The following TXLNA variants were observed in gnomAD, a reference collection of about 807,000 sequenced individuals.
TXLNA encodes alpha-taxilin.
Under a neutral mutation model 61.4 loss-of-function variants are expected in TXLNA, and 9 were observed. The ratio of observed to expected loss-of-function variants is 0.15; its 90% CI spans 0.09 to 0.26. The LOEUF is 0.26. Among genes scored for constraint, TXLNA ranks in the 10% least tolerant of loss-of-function variants. The probability of loss-of-function intolerance (pLI) is 1.00; values close to 1 mark genes in which losing one functional copy is unlikely to be tolerated. For synonymous variants in TXLNA, 257 were observed against 267.7 expected, an observed-to-expected ratio of 0.96 and a Z score of 0.39; for missense variants, 565 against 688.8, an observed-to-expected ratio of 0.82 and a Z score of 2.01.
At position 32,193,114 on chromosome 1, in the gene TXLNA, A is replaced by C. The variant is rs935937460; in HGVS notation, c.1159-94A>C. 35 of 801,380 alleles carry C rather than the reference A, an allele frequency of 4.4e-5. No homozygotes were observed. The Admixed American group carries it at 6.0e-4, about 14-fold the overall frequency. 49.6% of individuals were successfully genotyped at this position (801,380 alleles called of 1,614,324 possible). A position where few individuals can be genotyped will look rare whatever the true frequency, so the allele number is the denominator to read the frequency against. ...GGAAAAATAGTATCTCAATAGAATTACTGGTCAGAGAGTCAAGGACGGGTC... is the reference window on the plus strand; with the variant it reads ...GGAAAAATAGTATCTCAATAGAATTCCTGGTCAGAGAGTCAAGGACGGGTC... On this transcript the variant is annotated intron_variant, in intron 8 of 10. Coordinates refer to ENST00000373610, the MANE Select transcript of TXLNA (RefSeq NM_175852.4).
Position 32,188,119 on chromosome 1 carries a change from C to T in TXLNA, c.763C>T (p.Leu255Phe). The T allele has an allele frequency of 1.9e-6, 3 of 1,556,720 alleles. No individual in the cohort carries two copies. The highest frequency in any genetic ancestry group is 1.7e-6 in the Non-Finnish European group (2 of 1,149,006). ...CRELQRHNRS[L>F]KEEGVQRARE... is the part of the protein sequence containing the mutation. ...TGAGCTGCAGCGGCACAACCGCTCCCTCAAGGTAGGCCTGGGCCCCCTGGA... is the reference window on the plus strand; with the variant it reads ...TGAGCTGCAGCGGCACAACCGCTCCTTCAAGGTAGGCCTGGGCCCCCTGGA... The change falls in exon 5 of 11, where the codon CTC becomes TTC. Residue 255 changes from leucine to phenylalanine, a missense_variant. By Grantham distance (22) the Leu-to-Phe change is conservative. Around this residue, in one of 2 missense-constraint regions of TXLNA, gnomAD observed 373 missense variants for 504.0 expected, o/e 0.74. Coordinates refer to ENST00000373610, the MANE Select transcript of TXLNA (RefSeq NM_175852.4).
chr1:32,189,745 A>G (rs574329842), intron 5 of TXLNA, among the ~76,000 whole-genome samples: 1 of 152,026 alleles, frequency 6.6e-6, no homozygotes, highest in South Asian at 2.1e-4. Context: ...GTTTCACCAT[A>G]TTGGCCAGGC....
intron 1 of TXLNA, chr1:32,180,073 A>T (rs1365819134): frequency 3.3e-6 from 1 of 305,158 alleles, no homozygotes; most frequent in South Asian, 6.3e-5. Context: ...TTGTGCCGGG[A>T]AGTGGCTCCA....
Position 32,198,139 on chromosome 1 carries a change from A to T in TXLNA, c.*2944A>T, listed in dbSNP as rs1227317762. 2.0e-5 allele frequency: 3 copies of T among 152,268 alleles called. No individual in the cohort carries two copies. The highest frequency in any genetic ancestry group is 7.2e-5 in the African/African-American group (3 of 41,454). 9.4% of individuals were successfully genotyped at this position (152,268 alleles called of 1,614,324 possible). ...AAGGGAGCTGCCTTCTGTCCCTGTA[A>T]CTGCTTTCCTTATGGCCCAGCCCGG... On this transcript the variant is annotated 3_prime_UTR_variant, in exon 11 of 11. Transcript: ENST00000373610.
chr1:32,187,354 C>G (rs1642810110), intron 4 of TXLNA, among the ~76,000 whole-genome samples: 1 of 152,088 alleles, frequency 6.6e-6, no homozygotes, highest in African/African-American at 2.4e-5. Flanking sequence ...CATTATATTT[C>G]TGTTGTACAG....
intron 5 of TXLNA, among the ~76,000 whole-genome samples, chr1:32,189,348 T>C (rs183866684): frequency 6.6e-6 from 1 of 152,330 alleles, no homozygotes; most frequent in African/African-American, 2.4e-5. Flanking sequence ...ATCAAAAGTG[T>C]TGAGTGCCTA....
At chr1:32,183,677 G>A (rs1164118325) in intron 3 of TXLNA, among the ~76,000 whole-genome samples, 1 of 141,610 alleles carries the variant, frequency 7.1e-6, no homozygotes, top group Non-Finnish European at 1.5e-5. Flanking sequence ...TGATCCGCCC[G>A]CCTCAGCCTC....
Position 32,192,290 on chromosome 1 carries a change from C to A in TXLNA, c.964-21C>A. ...AAGGGAGCGCCTGACAAGCCGACTG[C>A]TCCCACCATCTTTGTTGCAGCATAT... On this transcript the variant is annotated intron_variant, in intron 6 of 10. Transcript: ENST00000373610. The surrounding 1 kb of genome is among the most constrained non-coding windows in gnomAD (Gnocchi z 4.2). The A allele has an allele frequency of 3.1e-6, 5 of 1,611,980 alleles. No homozygotes were observed. The highest frequency in any genetic ancestry group is 4.2e-6 in the Non-Finnish European group (5 of 1,178,384).
intron 5 of TXLNA, among the ~76,000 whole-genome samples, chr1:32,188,871 G>A (rs966494549): frequency 1.3e-5 from 2 of 152,234 alleles, no homozygotes; most frequent in African/African-American, 2.4e-5. Flanking sequence ...ACGTTGGTCA[G>A]TCAGGAACCT....
chr1:32,181,328 T>C lies in TXLNA; in HGVS notation c.256T>C (p.Tyr86His). ...CCAACTGGAAGACATACTGAGCACA[T>C]ACTGTGTGGACAATAACCAGGGGGG... ...SRQLEDILSTYCVDNNQGGPG... is the reference protein window; with the variant it reads ...SRQLEDILSTHCVDNNQGGPG... The change falls in exon 3 of 11, where the codon TAC becomes CAC. Residue 86 changes from tyrosine to histidine, a missense_variant. Physicochemically the swap from Tyr to His is moderately conservative, Grantham distance 83. Around this residue, in one of 2 missense-constraint regions of TXLNA, gnomAD observed 192 missense variants for 184.8 expected, o/e 1.04. Transcript: ENST00000373610. 4 of 1,614,124 alleles carry C rather than the reference T, an allele frequency of 2.5e-6. No individual in the cohort carries two copies. Among genetic ancestry groups the C allele is most frequent in the Non-Finnish European group, 3.4e-6 (4 of 1,180,022 alleles).
chr1:32,194,496 G>A (rs1642971555), intron 10 of TXLNA, among the ~76,000 whole-genome samples: 1 of 152,224 alleles, frequency 6.6e-6, no homozygotes, highest in Middle Eastern at 3.2e-3. Flanking sequence ...ACTAACGATG[G>A]AGCAGCAACT....
chr1:32,192,778 G>A lies in TXLNA; in HGVS notation c.1158+47G>A, dbSNP rs1642935338. 6.3e-7 allele frequency: 1 copy of A among 1,597,076 alleles called. No homozygotes were observed. Among genetic ancestry groups the A allele is most frequent in the East Asian group, 2.2e-5 (1 of 44,784 alleles). Reference sequence around the variant, plus strand: ...CTGTGCCTTCAAGTTTCCCTCACTGGGCCCCATCCTGGGGGTAGTGAAATG... The same window carrying A: ...CTGTGCCTTCAAGTTTCCCTCACTGAGCCCCATCCTGGGGGTAGTGAAATG... On this transcript the variant is annotated intron_variant, in intron 8 of 10. Transcript: ENST00000373610. The surrounding 1 kb of genome is among the most constrained non-coding windows in gnomAD (Gnocchi z 4.2).
intron 3 of TXLNA, among the ~76,000 whole-genome samples, chr1:32,182,890 A>G (rs1642697369): frequency 6.6e-6 from 1 of 150,970 alleles, no homozygotes; most frequent in Non-Finnish European, 1.5e-5. Flanking sequence ...ACATGGTGAA[A>G]CCCCAGTTCT....
chr1:32,189,732 G>A (rs555973670), intron 5 of TXLNA, among the ~76,000 whole-genome samples: 2 of 152,134 alleles, frequency 1.3e-5, no homozygotes, highest in African/African-American at 2.4e-5. Flanking sequence ...TAGTAGAAAC[G>A]GGGTTTCACC....
intron 1 of TXLNA, 177 bp from the exon 2 acceptor site, chr1:32,180,137 G>T (rs991856939): frequency 8.9e-6 from 5 of 561,850 alleles, no homozygotes; most frequent in South Asian, 2.7e-5. Context: ...CCGAAAGCCT[G>T]CCCCGGCACG....
intron 3 of TXLNA, among the ~76,000 whole-genome samples, chr1:32,182,244 C>T (rs1263501916): frequency 1.3e-5 from 2 of 151,894 alleles, no homozygotes; most frequent in Non-Finnish European, 2.9e-5. Context: ...CACATGCCTG[C>T]GAATTGCAGT....
intron 3 of TXLNA, among the ~76,000 whole-genome samples, chr1:32,183,860 C>G (rs964374288): frequency 6.6e-6 from 1 of 152,050 alleles, no homozygotes; most frequent in Non-Finnish European, 1.5e-5. Flanking sequence ...CCTCAGCCTC[C>G]GGAGTAACTG....
Position 32,181,302 on chromosome 1 carries a change from G to A in TXLNA, c.230G>A (p.Arg77His). The A allele has an allele frequency of 6.2e-7, 1 of 1,612,986 alleles. No homozygotes were observed. The highest frequency in any genetic ancestry group is 8.5e-7 in the Non-Finnish European group (1 of 1,179,096). ...CGTGATGTCTCTGAGGAGCTGAGCC[G>A]CCAACTGGAAGACATACTGAGCACA... Reference protein sequence around the residue: ...ALRDVSEELSRQLEDILSTYC... With the variant: ...ALRDVSEELSHQLEDILSTYC... The change falls in exon 3 of 11, where the codon CGC (arginine) becomes CAC (histidine). Residue 77 changes from arginine (R) to histidine (H), a missense_variant. Around this residue, in one of 2 missense-constraint regions of TXLNA, gnomAD observed 192 missense variants for 184.8 expected, o/e 1.04. Transcript: ENST00000373610.
chr1:32,196,089 G>A lies in TXLNA; in HGVS notation c.*894G>A, dbSNP rs545535354. On this transcript the variant is annotated 3_prime_UTR_variant, in exon 11 of 11. Transcript: ENST00000373610. ...GTGGTGCCTGGGTGCCTGGCCTCCAGTGTCCCACCTCCTTCACCACCCCAC... is the reference window on the plus strand; with the variant it reads ...GTGGTGCCTGGGTGCCTGGCCTCCAATGTCCCACCTCCTTCACCACCCCAC... 1 of 160,978 alleles carries A rather than the reference G, an allele frequency of 6.2e-6. No homozygotes were observed. The allele number at this position is 160,978 out of a possible 1,614,324, so 10.0% of individuals were successfully genotyped here. A position where few individuals can be genotyped will look rare whatever the true frequency, so the allele number is the denominator to read the frequency against.
Sources: gnomAD v4.1 joint callset for allele counts (sites outside exome capture counted in the v4.1 genomes callset) on GRCh38, gnomAD v4.1.1 for gene constraint, gnomAD v4.1.1 regional missense constraint, Gnocchi (gnomAD v3.1) non-coding constraint, MANE v1.5 for transcripts, NCBI Gene and HGNC (gene_info 2026-07-23, HGNC 2026-07-21) for gene names.